The following SPICE1 variants were observed in gnomAD, a reference collection of about 807,000 sequenced individuals.
The protein encoded by SPICE1 is spindle and centriole associated protein 1.
In SPICE1, 75 loss-of-function variants were observed where a neutral mutation model predicts 102.7. The observed-to-expected ratio is 0.73, with a 90% CI of 0.61 to 0.88. SPICE1 has a LOEUF of 0.88. Among genes scored for constraint, SPICE1 ranks in the 40% least tolerant of loss-of-function variants. The pLI, the probability that SPICE1 is intolerant of heterozygous loss-of-function variation, is 0.00. For synonymous variants in SPICE1, 308 were observed against 350.3 expected, an observed-to-expected ratio of 0.88 and a Z score of 1.35; for missense variants, 979 against 1,020.1, an observed-to-expected ratio of 0.96 and a Z score of 0.55.
intron 7 of SPICE1, among the ~76,000 whole-genome samples, chr3:113,477,478 C>A (rs530780214): frequency 1.3e-5 from 2 of 151,104 alleles, no homozygotes; most frequent in Admixed American, 1.3e-4. Context: ...TATAAAGACA[C>A]ATGCACACAT....
At chr3:113,487,157 C>G (rs141432430) in intron 7 of SPICE1, among the ~76,000 whole-genome samples, 166 of 152,142 alleles carry the variant, frequency 1.1e-3, no homozygotes, top group Middle Eastern at 6.8e-3. Flanking sequence ...CTCTACTTAG[C>G]AGGTTTATTT....
At chr3:113,472,143 G>A (rs1252747562) in intron 7 of SPICE1, among the ~76,000 whole-genome samples, 1 of 152,226 alleles carries the variant, frequency 6.6e-6, no homozygotes, top group Non-Finnish European at 1.5e-5. Flanking sequence ...CCGGCACCTG[G>A]CTCGGAGGGT....
chr3:113,489,204 C>T, intron 6 of SPICE1, 141 bp from the exon 7 acceptor site: 1 of 603,030 alleles, frequency 1.7e-6, no homozygotes, highest in Non-Finnish European at 2.9e-6. Context: ...TTCTCACATC[C>T]TTCCACTACT....
intron 2 of SPICE1, among the ~76,000 whole-genome samples, chr3:113,505,756 G>A (rs2107506927): frequency 6.6e-6 from 1 of 151,970 alleles, no homozygotes; most frequent in East Asian, 1.9e-4. Flanking sequence ...TTTTTTTTAA[G>A]TTAGCCAGGG....
chr3:113,474,929 A>T (rs959226745), intron 7 of SPICE1, among the ~76,000 whole-genome samples: 1 of 152,176 alleles, frequency 6.6e-6, no homozygotes, highest in Admixed American at 6.5e-5. Flanking sequence ...AAATAACTAA[A>T]ATCAGAGCAG....
chr3:113,469,159 G>A lies in SPICE1; in HGVS notation c.691C>T (p.Gln231Ter), dbSNP rs747592397. 3.1e-6 allele frequency: 5 copies of A among 1,613,102 alleles called. No homozygotes were observed. Among genetic ancestry groups the A allele is most frequent in the Admixed American group, 1.7e-5 (1 of 59,910 alleles). ...WTDIQQKIAT[Q>*]SQITPPGTPS... ...GTTCCTGGAGGAGTTATTTGTGACT[G>A]GGTTGCTATTTTCTGCTGAATGTCA... The change falls in exon 8 of 18, where the codon CAG becomes TAG. Residue 231 changes from glutamine to a stop codon, truncating the protein, a stop_gained. Transcript: ENST00000295872. LOFTEE classifies it high-confidence loss of function.
At chr3:113,446,060 C>T (rs1216863694) in intron 17 of SPICE1, among the ~76,000 whole-genome samples, 2 of 152,172 alleles carry the variant, frequency 1.3e-5, no homozygotes, top group South Asian at 2.1e-4. Flanking sequence ...CTGTGAAATG[C>T]TTAGCTTCTA....
At chr3:113,452,006 T>A (rs1359985148) in intron 14 of SPICE1, among the ~76,000 whole-genome samples, 2 of 152,054 alleles carry the variant, frequency 1.3e-5, no homozygotes, top group Non-Finnish European at 2.9e-5. Flanking sequence ...GCTCCTCCTA[T>A]CAGAAACTTG....
At chr3:113,494,770 T>C (rs1936845735) in intron 4 of SPICE1, among the ~76,000 whole-genome samples, 1 of 152,210 alleles carries the variant, frequency 6.6e-6, no homozygotes. Context: ...CCTTGCTCCA[T>C]GAGAACCACT....
intron 3 of SPICE1, among the ~76,000 whole-genome samples, chr3:113,500,288 A>G (rs941727914): frequency 2.0e-5 from 3 of 152,236 alleles, no homozygotes; most frequent in Non-Finnish European, 4.4e-5. Flanking sequence ...AACTATGAAC[A>G]TGAACATATA....
chr3:113,485,018 T>C (rs1398737083), intron 7 of SPICE1, among the ~76,000 whole-genome samples: 1 of 152,076 alleles, frequency 6.6e-6, no homozygotes, highest in Non-Finnish European at 1.5e-5. Context: ...CTGAGGAACC[T>C]TGCACTCTGA....
At chr3:113,448,252 C>T in intron 15 of SPICE1, 112 bp from the exon 16 acceptor site, 1 of 885,398 alleles carries the variant, frequency 1.1e-6, no homozygotes, top group South Asian at 2.4e-5. Flanking sequence ...TTCTTTCCAT[C>T]TGTTTTAATC....
intron 15 of SPICE1, chr3:113,450,091 A>G: frequency 1.9e-6 from 1 of 518,370 alleles, no homozygotes; most frequent in Non-Finnish European, 3.5e-6. Flanking sequence ...GATGTACGAT[A>G]ATTTAGGAAC....
chr3:113,472,445 A>T (rs1229805238), intron 7 of SPICE1, among the ~76,000 whole-genome samples: 5 of 152,220 alleles, frequency 3.3e-5, no homozygotes, highest in Non-Finnish European at 5.9e-5. Flanking sequence ...TTCTCCCAGC[A>T]CGCAGCTGGA....
intron 3 of SPICE1, 79 bp downstream of exon 3, chr3:113,503,101 A>T: frequency 6.9e-7 from 1 of 1,441,426 alleles, no homozygotes; most frequent in Non-Finnish European, 9.6e-7. Flanking sequence ...AAGTGCCTAT[A>T]GTTTCTATTC....
chr3:113,484,824 G>A (rs1194521812), intron 7 of SPICE1, among the ~76,000 whole-genome samples: 1 of 152,138 alleles, frequency 6.6e-6, no homozygotes, highest in Non-Finnish European at 1.5e-5. Flanking sequence ...GAGGTACTGA[G>A]AAGAATGTAT....
chr3:113,490,433 A>C (rs1334378207), intron 6 of SPICE1, among the ~76,000 whole-genome samples: 1 of 152,026 alleles, frequency 6.6e-6, no homozygotes, highest in Non-Finnish European at 1.5e-5. Context: ...TGTGAGCCCA[A>C]GAGTTTGAGA....
Position 113,468,846 on chromosome 3 carries a change from C to G in SPICE1, c.805G>C (p.Glu269Gln). Residue 269 changes from glutamate (E) to glutamine (Q), a missense_variant, in exon 9 of 18, where the codon GAA becomes CAA. Transcript: ENST00000295872. ...VKRLQTRLQP[E>Q]ESTETLDSSY... is the part of the protein sequence containing the mutation. ...GAGTCTAGAGTCTCAGTAGATTCTT[C>G]AGGCTGAAGCCTGGTTTGGAGTCTC... is the stretch of plus-strand genomic sequence containing the variant. The G allele has an allele frequency of 6.2e-7, 1 of 1,614,150 alleles. No individual in the cohort carries two copies. The highest frequency in any genetic ancestry group is 1.1e-5 in the South Asian group (1 of 91,068).
Position 113,503,245 on chromosome 3 carries a change from C to A in SPICE1, c.100-18G>T, listed in dbSNP as rs768620655. On this transcript the variant is annotated intron_variant, in intron 2 of 17. Transcript: ENST00000295872. ...ACGGTATTCTGTAAAAAAAGGTGGC[C>A]TTTCTTTAAAAAAAAAAAAAAGTTT... is the stretch of plus-strand genomic sequence containing the variant. The A allele has an allele frequency of 3.2e-6, 5 of 1,548,254 alleles. No homozygotes were observed. The South Asian group carries it at 3.8e-5, about 12-fold the overall frequency.
Sources: allele counts gnomAD v4.1 joint callset (sites outside exome capture counted in the v4.1 genomes callset), GRCh38; gene constraint gnomAD v4.1.1; transcripts MANE v1.5; gene names NCBI Gene and HGNC (gene_info 2026-07-23, HGNC 2026-07-21).